The following KDM3A variants were observed in gnomAD, a reference collection of about 807,000 sequenced individuals.
The protein encoded by KDM3A is lysine-specific demethylase 3A.
Under a neutral mutation model 158.0 loss-of-function variants are expected in KDM3A, and 60 were observed. The ratio of observed to expected loss-of-function variants is 0.38; its 90% CI spans 0.31 to 0.47. KDM3A has a LOEUF of 0.47. KDM3A is among the 20% of genes least tolerant of loss of function. The pLI is 0.99. For synonymous variants in KDM3A, 608 were observed against 549.3 expected (o/e 1.11, Z -1.49); for missense variants, 1,319 against 1,574.3 (o/e 0.84, Z 2.74).
intron 14 of KDM3A, 152 bp downstream of exon 14, chr2:86,478,417 TC>T: frequency 1.2e-6 from 1 of 848,670 alleles, no homozygotes; most frequent in South Asian, 1.7e-5. Flanking sequence ...CCAACACTTT[TC>T]GAGTCAAGTT....
chr2:86,443,812 TGTG>T (rs1211079127), intron 2 of KDM3A, among the ~76,000 whole-genome samples: 2 of 152,200 alleles, frequency 1.3e-5, no homozygotes, highest in Non-Finnish European at 2.9e-5. Flanking sequence ...GATAATATAT[TGTG>T]GTGCAAGAAT....
At position 86,456,856 on chromosome 2, in the gene KDM3A, C is replaced by T; in HGVS notation, c.733C>T (p.His245Tyr). The T allele has an allele frequency of 6.2e-7, 1 of 1,611,712 alleles. No individual in the cohort carries two copies. Among genetic ancestry groups the T allele is most frequent in the South Asian group, 1.1e-5 (1 of 90,956 alleles). The change falls in exon 7 of 26, where the codon CAC (histidine) becomes TAC (tyrosine). Residue 245 changes from histidine to tyrosine, a missense_variant. By Grantham distance (83) the His-to-Tyr change is moderately conservative (BLOSUM62 2). This residue lies in a region of KDM3A where 652 missense variants were observed against 627.2 expected (regional missense o/e 1.04). Coordinates refer to ENST00000312912, the MANE Select transcript of KDM3A (RefSeq NM_018433.6). ...DPSLIHVEVV[H>Y]DNLVTCGNSA... ...GTCACTGATTCATGTTGAAGTTGTA[C>T]ACGATAACCTTGTGACATGTGGTAA...
At chr2:86,448,610 G>A (rs1438317791) in intron 2 of KDM3A, among the ~76,000 whole-genome samples, 3 of 152,126 alleles carry the variant, frequency 2.0e-5, no homozygotes, top group African/African-American at 7.2e-5. Flanking sequence ...GTAAGGGAAG[G>A]TTTGTTTGAG....
At chr2:86,457,480 C>G (rs996292932) in intron 8 of KDM3A, among the ~76,000 whole-genome samples, 1 of 152,152 alleles carries the variant, frequency 6.6e-6, no homozygotes, top group Non-Finnish European at 1.5e-5. Context: ...GTCTGCTCTT[C>G]TTTGCTAGTT....
Position 86,484,178 on chromosome 2 carries a change from T to C in KDM3A, c.3094+20T>C. ...TTCCAAGTATGTATGAAAGATCTTT[T>C]AAGGGGGTTGGGGATGTGAAAGGAG... is the stretch of plus-strand genomic sequence containing the variant. On this transcript the variant is annotated intron_variant, in intron 19 of 25. Transcript: ENST00000312912. 2 of 1,602,868 alleles carry C rather than the reference T, an allele frequency of 1.2e-6. No homozygotes were observed. The highest frequency in any genetic ancestry group is 2.2e-5 in the South Asian group (2 of 89,462).
chr2:86,457,840 T>C (rs749169352), intron 8 of KDM3A, among the ~76,000 whole-genome samples: 1 of 152,226 alleles, frequency 6.6e-6, no homozygotes, highest in African/African-American at 2.4e-5. Context: ...CAGAAAAGTA[T>C]AGGCTTTTGT....
intron 2 of KDM3A, among the ~76,000 whole-genome samples, chr2:86,446,650 C>T (rs577770597): frequency 6.6e-6 from 1 of 152,100 alleles, no homozygotes; most frequent in Non-Finnish European, 1.5e-5. Flanking sequence ...GCAGAGGATG[C>T]AGTGAGCTGA....
At chr2:86,464,770 A>C (rs965036799) in intron 9 of KDM3A, among the ~76,000 whole-genome samples, 4 of 152,268 alleles carry the variant, frequency 2.6e-5, no homozygotes, top group Admixed American at 2.6e-4. Flanking sequence ...AGGTTGACAG[A>C]GCAAGTAGTT....
rs183177918 is a variant in KDM3A, at chr2:86,477,708, G to A, written c.1940-169G>A. On this transcript the variant is annotated intron_variant, in intron 12 of 25. Coordinates refer to ENST00000312912, the MANE Select transcript of KDM3A (RefSeq NM_018433.6). ...AAATTCAAGTTACTAGGAGTGCTGAGGGGATCCAGGAACACTTCATGGGGT... is the reference window on the plus strand; with the variant it reads ...AAATTCAAGTTACTAGGAGTGCTGAAGGGATCCAGGAACACTTCATGGGGT... 1.8e-4 allele frequency among the ~76,000 whole-genome samples: 27 copies of A among 152,246 alleles called. No homozygotes were observed. The East Asian group carries it at 4.4e-3, about 25-fold the overall frequency.
chr2:86,478,583 A>T (rs200532900), intron 14 of KDM3A, 25 bp from the exon 15 acceptor site: 7 of 1,612,542 alleles, frequency 4.3e-6, no homozygotes, highest in Non-Finnish European at 5.9e-6. Context: ...CCTTGTTCAG[A>T]TGTTTGCCTC....
At chr2:86,473,475 T>C (rs1257871530) in intron 11 of KDM3A, among the ~76,000 whole-genome samples, 2 of 152,084 alleles carry the variant, frequency 1.3e-5, no homozygotes, top group African/African-American at 2.4e-5. Context: ...CTGGGTATGG[T>C]GGTTCATGTT....
At chr2:86,454,332 A>G (rs559229294) in intron 4 of KDM3A, among the ~76,000 whole-genome samples, 1 of 152,284 alleles carries the variant, frequency 6.6e-6, no homozygotes, top group African/African-American at 2.4e-5. Flanking sequence ...AATTGCCATC[A>G]TGGGTGCATG....
At chr2:86,475,096 A>G in intron 12 of KDM3A, 106 bp downstream of exon 12, 1 of 903,662 alleles carries the variant, frequency 1.1e-6, no homozygotes, top group South Asian at 1.6e-5. Context: ...CCAGAAGTTT[A>G]GATAACTTTG....
chr2:86,475,233 A>C (rs772957466), intron 12 of KDM3A, among the ~76,000 whole-genome samples: 28 of 152,260 alleles, frequency 1.8e-4, no homozygotes, highest in Admixed American at 6.5e-4. Context: ...AGGTGAAGTG[A>C]GGGTGGAATT....
chr2:86,485,985 C>A, intron 21 of KDM3A, 126 bp downstream of exon 21: 1 of 960,422 alleles, frequency 1.0e-6, no homozygotes, highest in Non-Finnish European at 1.5e-6. Flanking sequence ...CCACAGCTTT[C>A]ATTTTTACAT....
intron 16 of KDM3A, among the ~76,000 whole-genome samples, chr2:86,481,604 A>G (rs1673933359): frequency 6.6e-6 from 1 of 151,754 alleles, no homozygotes; most frequent in Non-Finnish European, 1.5e-5. Context: ...GCATTCAGGG[A>G]AAAAAAATGT....
chr2:86,437,286 T>G (rs1443549410), upstream of KDM3A, among the ~76,000 whole-genome samples: 1 of 152,090 alleles, frequency 6.6e-6, no homozygotes, highest in Non-Finnish European at 1.5e-5. Context: ...TAGCTGGGAT[T>G]GTGGATGTGC....
intron 12 of KDM3A, among the ~76,000 whole-genome samples, chr2:86,476,350 G>T (rs866943741): frequency 1.3e-5 from 2 of 151,910 alleles, no homozygotes; most frequent in Middle Eastern, 3.4e-3. Context: ...TCTAAAAAAT[G>T]TTTTTTTCAT....
chr2:86,438,975 C>CAATTTATTTATTT (rs1682542003), upstream of KDM3A, among the ~76,000 whole-genome samples: 1 of 151,892 alleles, frequency 6.6e-6, no homozygotes, highest in African/African-American at 2.4e-5. Flanking sequence ...TTTATTTATT[C>CAATTTATTTATTT]CTTCTCCAAC....
Sources: gnomAD v4.1 joint callset for allele counts (sites outside exome capture counted in the v4.1 genomes callset) on GRCh38, gnomAD v4.1.1 for gene constraint, gnomAD v4.1.1 regional missense constraint, MANE v1.5 for transcripts, NCBI Gene and HGNC (gene_info 2026-07-23, HGNC 2026-07-21) for gene names.